ADAP1: variants seen among roughly 807,000 people sequenced by gnomAD.
ADAP1 encodes the protein ArfGAP with dual PH domains 1.
ADAP1 carries 31 observed loss-of-function variants against 54.9 expected under a neutral mutation model. The ratio of observed to expected loss-of-function variants is 0.56; its 90% CI spans 0.42 to 0.76. The LOEUF (loss-of-function observed/expected upper bound fraction) is 0.76. Among genes scored for constraint, ADAP1 ranks in the 30% least tolerant of loss-of-function variants. The pLI, the probability that ADAP1 is intolerant of heterozygous loss-of-function variation, is 0.00. For synonymous variants in ADAP1, 313 were observed against 202.6 expected, an observed-to-expected ratio of 1.55 and a Z score of -4.63; for missense variants, 535 against 512.4, an observed-to-expected ratio of 1.04 and a Z score of -0.42.
At chr7:930,453 G>A (rs1338990294) in intron 2 of ADAP1, among the ~76,000 whole-genome samples, 212 of 9,122 alleles carry the variant, frequency 0.023, 2 homozygotes, top group Middle Eastern at 0.1. Flanking sequence ...CAAGGCGGGC[G>A]GATCACGAGG....
chr7:942,066 A>G (rs1846952370), intron 1 of ADAP1, among the ~76,000 whole-genome samples: 1 of 152,216 alleles, frequency 6.6e-6, no homozygotes, highest in South Asian at 2.1e-4. Context: ...CTTTCCTACC[A>G]ACGGTGCTGG....
At chr7:914,504 C>A (rs993810208) in intron 4 of ADAP1, among the ~76,000 whole-genome samples, 1 of 152,144 alleles carries the variant, frequency 6.6e-6, no homozygotes, top group African/African-American at 2.4e-5. Context: ...CGGGGCCGCC[C>A]CAGACAGGAG....
At chr7:912,334 G>C (rs915103486) in intron 4 of ADAP1, among the ~76,000 whole-genome samples, 1 of 152,206 alleles carries the variant, frequency 6.6e-6, no homozygotes, top group Non-Finnish European at 1.5e-5. Context: ...GCGGCCCGAG[G>C]CGGGGCCAGC....
chr7:900,220 C>CT, intron 7 of ADAP1, 56 bp from the exon 8 acceptor site: 1 of 1,603,942 alleles, frequency 6.2e-7, no homozygotes, highest in Non-Finnish European at 8.5e-7. Flanking sequence ...GGCCGAGCCC[C>CT]TCCCTGGCTG....
intron 6 of ADAP1, among the ~76,000 whole-genome samples, chr7:902,475 A>AAATGCCTGGGCGTGGTGGTGC (rs1491159593): frequency 1.8e-3 from 257 of 142,194 alleles, no homozygotes; most frequent in Non-Finnish European, 2.2e-3. Context: ...AAAAAAAGAA[A>AAATGCCTGGGCGTGGTGGTGC]GAAAAGAAAG....
At chr7:918,765 G>A (rs762857122) in intron 4 of ADAP1, among the ~76,000 whole-genome samples, 22 of 146,566 alleles carry the variant, frequency 1.5e-4, no homozygotes, top group Non-Finnish European at 3.3e-4. Context: ...GTGTGCAGAC[G>A]CCCAGCTGCC....
intron 1 of ADAP1, among the ~76,000 whole-genome samples, chr7:953,181 AG>A (rs1847309495): frequency 1.3e-5 from 2 of 152,206 alleles, no homozygotes; most frequent in African/African-American, 4.8e-5. Flanking sequence ...GAGCCAGCCC[AG>A]GGGGCCACCC....
intron 4 of ADAP1, among the ~76,000 whole-genome samples, chr7:915,672 G>A (rs1410311174): frequency 6.6e-6 from 1 of 152,200 alleles, no homozygotes; most frequent in African/African-American, 2.4e-5. Flanking sequence ...AGGCAGGAAT[G>A]GGATTCCAGT....
chr7:934,325 C>T (rs370022182), intron 2 of ADAP1, among the ~76,000 whole-genome samples: 3 of 138,678 alleles, frequency 2.2e-5, no homozygotes, highest in East Asian at 4.3e-4. Flanking sequence ...GTCAGTGGTG[C>T]TGGAGAACCA....
chr7:914,581 CG>C (rs978726340), intron 4 of ADAP1, among the ~76,000 whole-genome samples: 2 of 152,096 alleles, frequency 1.3e-5, no homozygotes, highest in African/African-American at 2.4e-5. Flanking sequence ...TGGGGAGGCT[CG>C]GGGGGTCCCT....
intron 1 of ADAP1, among the ~76,000 whole-genome samples, chr7:949,278 G>C (rs1400436269): frequency 6.6e-6 from 1 of 152,084 alleles, no homozygotes; most frequent in African/African-American, 2.4e-5. Flanking sequence ...ATACCTCCTG[G>C]CCACACGGCC....
chr7:949,464 A>T (rs1054326448), intron 1 of ADAP1, among the ~76,000 whole-genome samples: 2 of 152,272 alleles, frequency 1.3e-5, no homozygotes, highest in African/African-American at 4.8e-5. Flanking sequence ...TCTGAGTCTA[A>T]AACGGCAGTG....
At chr7:902,713 T>C (rs895508258) in intron 6 of ADAP1, among the ~76,000 whole-genome samples, 1 of 151,776 alleles carries the variant, frequency 6.6e-6, no homozygotes, top group Admixed American at 6.6e-5. Flanking sequence ...CCTGACCTCA[T>C]GGAAACCAGT....
intron 1 of ADAP1, among the ~76,000 whole-genome samples, chr7:940,435 G>T (rs1038188345): frequency 4.6e-5 from 7 of 152,120 alleles, no homozygotes; most frequent in Non-Finnish European, 8.8e-5. Context: ...AATCAAGTGT[G>T]TTGGAGACAG....
chr7:918,397 T>C (rs1334408647), intron 4 of ADAP1, among the ~76,000 whole-genome samples: 1 of 152,142 alleles, frequency 6.6e-6, no homozygotes, highest in African/African-American at 2.4e-5. Flanking sequence ...TTCTTTTTTT[T>C]AAAGGGAGGG....
intron 4 of ADAP1, among the ~76,000 whole-genome samples, chr7:907,005 G>A (rs1399862506): frequency 2.6e-5 from 4 of 152,116 alleles, no homozygotes; most frequent in Non-Finnish European, 5.9e-5. Context: ...GCAGAGGCAG[G>A]GCTGGGTCCA....
intron 1 of ADAP1, among the ~76,000 whole-genome samples, chr7:947,170 G>C (rs1385955681): frequency 6.7e-6 from 1 of 149,264 alleles, no homozygotes; most frequent in Non-Finnish European, 1.5e-5. Flanking sequence ...TTCCTGAGTA[G>C]CTGGGACCAC....
rs111481721 is a variant in ADAP1, at chr7:911,413, C to T, written c.389-6241G>A. 3.2e-4 allele frequency among the ~76,000 whole-genome samples: 48 copies of T among 152,314 alleles called. 2 individuals are homozygous for T. The highest frequency in any genetic ancestry group is 3.4e-3 in the Middle Eastern group (1 of 294). On this transcript the variant is annotated intron_variant, in intron 4 of 10. Coordinates refer to ENST00000265846, the MANE Select transcript of ADAP1 (RefSeq NM_006869.4). ...CCCAGGCTGCAGGAGGGGCCACCCT[C>T]AGGGCCAAGTCAGCCCCAGGGTACC...
chr7:904,215 C>T lies in ADAP1; in HGVS notation c.559G>A (p.Ala187Thr), dbSNP rs138262967. Residue 187 changes from alanine (A) to threonine (T), a missense_variant, in exon 6 of 11, where the codon GCC becomes ACC. Coordinates refer to ENST00000265846, the MANE Select transcript of ADAP1 (RefSeq NM_006869.4). ...AGGCCGTGGGGGTGGCCGATCTTGG[C>T]CGGCTGGAAGGTGGCGTTCAGGTGC... ...IEHLNATFQP[A>T]KIGHPHGLQV... The T allele has an allele frequency of 6.8e-5, 110 of 1,610,744 alleles. No individual in the cohort carries two copies. The highest frequency in any genetic ancestry group is 9.0e-5 in the Non-Finnish European group (106 of 1,178,940).
Sources: gnomAD v4.1 joint callset for allele counts (sites outside exome capture counted in the v4.1 genomes callset) on GRCh38, gnomAD v4.1.1 for gene constraint, MANE v1.5 for transcripts, NCBI Gene and HGNC (gene_info 2026-07-23, HGNC 2026-07-21) for gene names.